The following MEGF11 variants were observed in gnomAD, a reference collection of about 807,000 sequenced individuals.
MEGF11 encodes multiple epidermal growth factor-like domains protein 11.
In MEGF11, 126 loss-of-function variants were observed where a neutral mutation model predicts 146.6. That is an observed-to-expected ratio of 0.86 (90% CI 0.74 to 1.00). MEGF11 has a LOEUF of 1.00. Ranked by LOEUF, MEGF11 falls within the 50% of genes least tolerant of loss-of-function variation. MEGF11 has a pLI of 0.00. For missense variants in MEGF11, 1,509 were observed against 1,521.2 expected (o/e 0.99, Z 0.13); for synonymous variants, 532 against 583.4 (o/e 0.91, Z 1.27).
chr15:66,163,581 T>A (rs967326530), intron 1 of MEGF11, among the ~76,000 whole-genome samples: 13 of 152,152 alleles, frequency 8.5e-5, no homozygotes, highest in African/African-American at 3.1e-4. Context: ...CCTGGGCATG[T>A]CCCCTCAGCT....
At chr15:66,151,603 C>G (rs982436154) in intron 1 of MEGF11, among the ~76,000 whole-genome samples, 1 of 152,206 alleles carries the variant, frequency 6.6e-6, no homozygotes, top group African/African-American at 2.4e-5. Flanking sequence ...GTCTCCTGAT[C>G]TTCTAAGGAG....
In MEGF11 at chr15:66,066,661, C is replaced by T. The variant is rs774114297; in HGVS notation, c.394+27741G>A. On this transcript the variant is annotated intron_variant, in intron 5 of 25. Coordinates refer to ENST00000395614, the MANE Select transcript of MEGF11 (RefSeq NM_001385028.1). ...AAGCTCCACGGCTGCGAGTCCCTGC[C>T]ATCTCCTTGCCACACCCCTAGGGGG... Among the ~76,000 whole-genome samples the T allele has an allele frequency of 2.0e-5, 3 of 152,224 alleles. No individual in the cohort carries two copies. In the South Asian group the frequency reaches 6.2e-4, roughly 32 times the overall value.
At chr15:66,109,650 C>G (rs1293038610) in intron 4 of MEGF11, among the ~76,000 whole-genome samples, 2 of 152,184 alleles carry the variant, frequency 1.3e-5, no homozygotes, top group Non-Finnish European at 2.9e-5. Flanking sequence ...CACTCTCCGG[C>G]CGGCTGAGGT....
intron 1 of MEGF11, among the ~76,000 whole-genome samples, chr15:66,148,174 A>G (rs2089442384): frequency 6.6e-6 from 1 of 152,190 alleles, no homozygotes; most frequent in Non-Finnish European, 1.5e-5. Context: ...GATACATGGC[A>G]AAATGTTGGC....
At chr15:65,947,734 A>C (rs2080249487) in intron 10 of MEGF11, among the ~76,000 whole-genome samples, 1 of 152,208 alleles carries the variant, frequency 6.6e-6, no homozygotes, top group African/African-American at 2.4e-5. Context: ...CAGAAGCCCC[A>C]TCTATGCTGA....
chr15:65,918,210 G>T, intron 15 of MEGF11, 116 bp from the exon 16 acceptor site: 1 of 1,458,610 alleles, frequency 6.9e-7, no homozygotes, highest in Non-Finnish European at 9.3e-7. Flanking sequence ...AGGGGTCATG[G>T]ATCTGGATGG....
chr15:66,138,688 C>A (rs941010806), intron 1 of MEGF11, among the ~76,000 whole-genome samples: 1 of 152,184 alleles, frequency 6.6e-6, no homozygotes, highest in Admixed American at 6.5e-5. Flanking sequence ...TTACCAACTG[C>A]ATGGCCTAAG....
At chr15:66,132,710 A>G (rs777335168) in intron 1 of MEGF11, among the ~76,000 whole-genome samples, 16 of 152,154 alleles carry the variant, frequency 1.1e-4, no homozygotes, top group Non-Finnish European at 2.2e-4. Context: ...GGGAGGGACA[A>G]CACAGGTGCC....
intron 1 of MEGF11, among the ~76,000 whole-genome samples, chr15:66,227,552 T>C (rs1466746294): frequency 6.6e-6 from 1 of 152,116 alleles, no homozygotes; most frequent in Non-Finnish European, 1.5e-5. Context: ...CAGGAATTCT[T>C]TCCACTTCTC....
At chr15:65,952,642 A>G (rs1416218754) in intron 10 of MEGF11, among the ~76,000 whole-genome samples, 2 of 152,216 alleles carry the variant, frequency 1.3e-5, no homozygotes, top group Non-Finnish European at 2.9e-5. Context: ...AGGCTGTCCA[A>G]GGTGCTGAAA....
At chr15:66,219,259 G>T (rs1362811211) in intron 1 of MEGF11, among the ~76,000 whole-genome samples, 1 of 152,156 alleles carries the variant, frequency 6.6e-6, no homozygotes, top group Non-Finnish European at 1.5e-5. Context: ...ACTGTGAAGA[G>T]AATGAAAAGA....
At chr15:66,234,654 T>C (rs1178744594) in intron 1 of MEGF11, among the ~76,000 whole-genome samples, 3 of 152,188 alleles carry the variant, frequency 2.0e-5, no homozygotes, top group Non-Finnish European at 1.5e-5. Context: ...GTCCCTACAA[T>C]GGAATGCAGA....
At chr15:66,139,467 G>A (rs2089043629) in intron 1 of MEGF11, among the ~76,000 whole-genome samples, 1 of 152,200 alleles carries the variant, frequency 6.6e-6, no homozygotes, top group Admixed American at 6.5e-5. Context: ...TCTGTCATGG[G>A]AGCCTGGGAA....
chr15:65,903,641 C>T (rs943784192), intron 24 of MEGF11, among the ~76,000 whole-genome samples: 1 of 152,180 alleles, frequency 6.6e-6, no homozygotes, highest in African/African-American at 2.4e-5. Context: ...TAGGCTAGGG[C>T]TTTTTCCCAC....
chr15:66,089,273 C>G (rs1485819511), intron 5 of MEGF11, among the ~76,000 whole-genome samples: 12 of 152,196 alleles, frequency 7.9e-5, no homozygotes. Flanking sequence ...TCTCTGTAGT[C>G]CTGCCTTGTG....
intron 5 of MEGF11, among the ~76,000 whole-genome samples, chr15:66,023,871 C>A (rs2083241757): frequency 1.3e-5 from 2 of 152,188 alleles, no homozygotes; most frequent in Non-Finnish European, 2.9e-5. Context: ...GCTAGACTGG[C>A]AGCCAAGGAT....
intron 2 of MEGF11, among the ~76,000 whole-genome samples, chr15:66,127,771 T>A (rs909996813): frequency 1.3e-5 from 2 of 152,124 alleles, no homozygotes; most frequent in Non-Finnish European, 1.5e-5. Flanking sequence ...TGCAGCCCGC[T>A]CTTCCGCTGC....
At chr15:66,194,202 G>A (rs1418580050) in intron 1 of MEGF11, among the ~76,000 whole-genome samples, 3 of 152,164 alleles carry the variant, frequency 2.0e-5, no homozygotes, top group Non-Finnish European at 2.9e-5. Context: ...GCAGCAACCT[G>A]GATGGAACTG....
chr15:66,069,565 C>T (rs1033176806), intron 5 of MEGF11, among the ~76,000 whole-genome samples: 1 of 152,150 alleles, frequency 6.6e-6, no homozygotes, highest in Admixed American at 6.5e-5. Flanking sequence ...CAGTCGGGAC[C>T]ATGGTGATGC....
Sources: allele counts gnomAD v4.1 joint callset (sites outside exome capture counted in the v4.1 genomes callset), GRCh38; gene constraint gnomAD v4.1.1; transcripts MANE v1.5; gene names NCBI Gene and HGNC (gene_info 2026-07-23, HGNC 2026-07-21).